RASA3: variants seen among roughly 807,000 people sequenced by gnomAD.
The protein encoded by RASA3 is ras GTPase-activating protein 3.
A neutral mutation model predicts 110.0 loss-of-function variants in RASA3; 73 were observed. The observed-to-expected ratio is 0.66, with a 90% CI of 0.55 to 0.81. The LOEUF (loss-of-function observed/expected upper bound fraction) is 0.81. Among genes scored for constraint, RASA3 ranks in the 30% least tolerant of loss-of-function variants. RASA3 has a pLI of 0.00. For synonymous variants in RASA3, 500 were observed against 451.4 expected (o/e 1.11, Z -1.37); for missense variants, 976 against 1,113.2 (o/e 0.88, Z 1.75).
chr13:114,120,588 C>T (rs1194144592), intron 1 of RASA3, among the ~76,000 whole-genome samples: 1 of 140,322 alleles, frequency 7.1e-6, no homozygotes, highest in Non-Finnish European at 1.6e-5. Flanking sequence ...CTCTCTCCAG[C>T]CAGACGTCGG....
Position 114,017,305 on chromosome 13 carries a change from T to C in RASA3, c.1138A>G (p.Ile380Val), listed in dbSNP as rs778524279. The change falls in exon 12 of 24, where the codon ATC becomes GTC. Residue 380 changes from isoleucine to valine, a missense_variant. By Grantham distance (29) the Ile-to-Val change is conservative. This residue lies in a region of RASA3 where 732 missense variants were observed against 779.7 expected (regional missense o/e 0.94). Coordinates refer to ENST00000334062, the MANE Select transcript of RASA3 (RefSeq NM_007368.4). ...FRGNSLASKCIDETMKLAGMH... is the reference protein window; with the variant it reads ...FRGNSLASKCVDETMKLAGMH... ...CCCGCCAGCTTCATGGTCTCGTCGA[T>C]GCACTTGGACGCCAGTGAGTTTCCT... is the stretch of plus-strand genomic sequence containing the variant. 2.5e-6 allele frequency: 4 copies of C among 1,614,006 alleles called. No individual in the cohort carries two copies. In the South Asian group the frequency reaches 3.3e-5, roughly 13 times the overall value.
intron 9 of RASA3, among the ~76,000 whole-genome samples, chr13:114,019,275 T>G (rs2053863834): frequency 6.6e-6 from 1 of 152,178 alleles, no homozygotes; most frequent in Non-Finnish European, 1.5e-5. Context: ...AAATGAAAAT[T>G]ATCTCAACCA....
intron 1 of RASA3, among the ~76,000 whole-genome samples, chr13:114,079,048 G>A (rs1341806963): frequency 4.6e-5 from 7 of 152,222 alleles, no homozygotes; most frequent in African/African-American, 1.7e-4. Flanking sequence ...TCTCCCAGGC[G>A]CTCAGCAGCT....
intron 1 of RASA3, among the ~76,000 whole-genome samples, chr13:114,077,518 G>A (rs1194471498): frequency 9.7e-6 from 1 of 102,610 alleles, no homozygotes; most frequent in Non-Finnish European, 1.9e-5. Context: ...TGGCACCAAC[G>A]CACCGGATTC....
At position 114,014,103 on chromosome 13, in the gene RASA3, CCTGT is replaced by C. The variant is rs1202480000; in HGVS notation, c.1406-859_1406-856del. Among the ~76,000 whole-genome samples, 1 of 139,290 alleles carries C rather than the reference CCTGT, an allele frequency of 7.2e-6. No homozygotes were observed. The highest frequency in any genetic ancestry group is 2.7e-5 in the African/African-American group (1 of 37,606). 91.4% of individuals were successfully genotyped at this position (139,290 alleles called of 152,430 possible). On this transcript the variant is annotated intron_variant, in intron 14 of 23. Transcript: ENST00000334062. The surrounding 1 kb of genome is among the most constrained non-coding windows in gnomAD (Gnocchi z 4.5). ...GTCTCTGCCTCTCTCTCCGTCTCTC[CCTGT>C]CTCTCTCTCTCTCTCCTTGTCTCTC...
At chr13:113,984,459 C>T (rs1342798642) in intron 22 of RASA3, among the ~76,000 whole-genome samples, 2 of 66,950 alleles carry the variant, frequency 3.0e-5, no homozygotes, top group Non-Finnish European at 7.0e-5. Context: ...ATCCACCCAT[C>T]ACTCACCCAT....
intron 22 of RASA3, among the ~76,000 whole-genome samples, chr13:113,982,833 A>T (rs894689476): frequency 2.6e-5 from 4 of 152,234 alleles, no homozygotes; most frequent in Non-Finnish European, 5.9e-5. Context: ...CCTCTTCCAC[A>T]TGTGAGGACA....
rs2053850228 is a variant in RASA3 at position 114,018,753 on chromosome 13, G to A, written c.942+10C>T. The A allele has an allele frequency of 2.5e-6, 4 of 1,612,622 alleles. No individual in the cohort carries two copies. Among genetic ancestry groups the A allele is most frequent in the Non-Finnish European group, 3.4e-6 (4 of 1,179,722 alleles). The stretch of plus-strand genomic sequence containing the variant: ...TGCCCACACCCACAGGCCACGGCGT[G>A]GACAAGCACCTCCACATCCGCAGAC... On this transcript the variant is annotated intron_variant, in intron 10 of 23. Transcript: ENST00000334062.
chr13:114,073,606 A>G, intron 2 of RASA3, 114 bp downstream of exon 2: 2 of 869,392 alleles, frequency 2.3e-6, no homozygotes, highest in Non-Finnish European at 3.9e-6. Context: ...GGTGACGTAC[A>G]CGCTCGGGAC....
intron 1 of RASA3, among the ~76,000 whole-genome samples, chr13:114,109,070 A>G (rs193218317): frequency 6.6e-6 from 1 of 152,264 alleles, no homozygotes; most frequent in Non-Finnish European, 1.5e-5. Context: ...CCCCAGGGGT[A>G]CTCAGAGGGA....
intron 2 of RASA3, among the ~76,000 whole-genome samples, chr13:114,070,016 C>T (rs1374182786): frequency 1.8e-4 from 5 of 28,040 alleles, no homozygotes; most frequent in African/African-American, 4.9e-4. Context: ...ACTCGGGGGC[C>T]GGGAGACTGG....
chr13:114,045,191 C>A (rs2079033202), intron 3 of RASA3, among the ~76,000 whole-genome samples: 1 of 152,234 alleles, frequency 6.6e-6, no homozygotes, highest in Non-Finnish European at 1.5e-5. Flanking sequence ...AATGCCTGAT[C>A]TAAAAGCCAC....
chr13:113,998,186 C>G (rs12876827), intron 20 of RASA3, among the ~76,000 whole-genome samples: 29,139 of 152,116 alleles, frequency 0.19, 3,012 homozygotes, highest in African/African-American at 0.27. Flanking sequence ...CTTCGAGGGA[C>G]GGTCTCAGGG....
At chr13:114,013,320 C>T in intron 14 of RASA3, 72 bp from the exon 15 acceptor site, 1 of 1,139,160 alleles carries the variant, frequency 8.8e-7, no homozygotes. Context: ...ATGCCCCGGC[C>T]CCCTGAGGGT....
At chr13:114,055,342 G>A (rs1392282476) in intron 2 of RASA3, among the ~76,000 whole-genome samples, 7 of 152,236 alleles carry the variant, frequency 4.6e-5, no homozygotes, top group East Asian at 1.9e-4. Flanking sequence ...CGCAGGGGTC[G>A]TGACCCTGCC....
chr13:114,031,070 C>T (rs552197840), intron 4 of RASA3, among the ~76,000 whole-genome samples: 20 of 148,832 alleles, frequency 1.3e-4, no homozygotes, highest in South Asian at 1.3e-3. Context: ...TGTGTGCATG[C>T]GACTGTGTGT....
At chr13:114,043,681 C>T (rs61973889) in intron 3 of RASA3, among the ~76,000 whole-genome samples, 7 of 152,056 alleles carry the variant, frequency 4.6e-5, no homozygotes, top group Admixed American at 4.6e-4. Context: ...GCACAGGAAA[C>T]AGGCCCCAGC....
At chr13:114,031,138 T>C (rs1216577819) in intron 4 of RASA3, among the ~76,000 whole-genome samples, 1 of 151,988 alleles carries the variant, frequency 6.6e-6, no homozygotes, top group Non-Finnish European at 1.5e-5. Context: ...CCTGTGTGCA[T>C]GTTCGCCTGT....
chr13:114,065,822 G>A lies in RASA3; in HGVS notation c.173+7898C>T, dbSNP rs555191660. On this transcript the variant is annotated intron_variant, in intron 2 of 23. Coordinates refer to ENST00000334062, the MANE Select transcript of RASA3 (RefSeq NM_007368.4). This position sits in a 1 kb window ranked among gnomAD's most constrained non-coding sequence, Gnocchi z 4.1. The stretch of plus-strand genomic sequence containing the variant: ...TCTCAGCGGAAGCCCCACACACACT[G>A]GGTTGCAGCCTCCTGTGGTTCAAGA... Among the ~76,000 whole-genome samples the A allele has an allele frequency of 6.6e-6, 1 of 152,328 alleles. No homozygotes were observed. Among genetic ancestry groups the A allele is most frequent in the South Asian group, 2.1e-4 (1 of 4,826 alleles).
Sources: gnomAD v4.1 joint callset for allele counts (sites outside exome capture counted in the v4.1 genomes callset) on GRCh38, gnomAD v4.1.1 for gene constraint, gnomAD v4.1.1 regional missense constraint, Gnocchi (gnomAD v3.1) non-coding constraint, MANE v1.5 for transcripts, NCBI Gene and HGNC (gene_info 2026-07-23, HGNC 2026-07-21) for gene names.